Variants in CFAP47 observed in about 807,000 individuals in gnomAD.
CFAP47 encodes cilia and flagella associated protein 47, also known as cilia- and flagella-associated protein 47.
CFAP47 carries 29 observed loss-of-function variants against 148.1 expected under a neutral mutation model. The ratio of observed to expected loss-of-function variants is 0.20; its 90% CI spans 0.15 to 0.27. CFAP47 has a LOEUF of 0.27. Ranked by LOEUF, CFAP47 falls within the 10% of genes least tolerant of loss-of-function variation. CFAP47 has a pLI of 1.00. For synonymous variants in CFAP47, 664 were observed against 577.3 expected, an observed-to-expected ratio of 1.15 and a Z score of -2.15; for missense variants, 1,872 against 1,697.5, an observed-to-expected ratio of 1.10 and a Z score of -1.81.
At chrX:36,317,162 T>A (rs1312731810) in intron 56 of CFAP47, among the ~76,000 whole-genome samples, 3 of 111,003 alleles carry the variant, frequency 2.7e-5, no homozygotes, top group African/African-American at 9.8e-5. Context: ...CTAAAGTACA[T>A]CCAGAGTTGA....
At chrX:36,030,601 T>C (rs753124100) in intron 22 of CFAP47, among the ~76,000 whole-genome samples, 1 of 110,953 alleles carries the variant, frequency 9.0e-6, no homozygotes, top group East Asian at 2.8e-4. Flanking sequence ...GTAAGATACA[T>C]ACATTTTTAG....
rs189550630 is a variant in CFAP47, at chrX:36,213,848, C to T, written c.6817+8738C>T. Among the ~76,000 whole-genome samples, 622 of 111,823 alleles carry T rather than the reference C, an allele frequency of 5.6e-3. 1 individual carries two copies. The highest frequency in any genetic ancestry group is 0.018 in the African/African-American group (554 of 30,774). Reference sequence around the variant, plus strand: ...TAAAACCTTAAGCAATAATTAAATACGAATACTTTATTTGGGAGATGCGAA... The same window carrying T: ...TAAAACCTTAAGCAATAATTAAATATGAATACTTTATTTGGGAGATGCGAA... On this transcript the variant is annotated intron_variant, in intron 45 of 63. Coordinates refer to ENST00000378653, the MANE Select transcript of CFAP47 (RefSeq NM_001304548.2).
intron 49 of CFAP47, among the ~76,000 whole-genome samples, chrX:36,262,062 T>C (rs782620471): frequency 8.9e-6 from 1 of 112,164 alleles, no homozygotes; most frequent in Non-Finnish European, 1.9e-5. Context: ...TGGCTTTGCG[T>C]TTCTTTTAAA....
At chrX:35,942,050 G>GTC (rs1491080795) in intron 3 of CFAP47, among the ~76,000 whole-genome samples, 4 of 107,107 alleles carry the variant, frequency 3.7e-5, no homozygotes, top group African/African-American at 1.1e-4. Context: ...GTGTGTGTGT[G>GTC]TCTGTGTGTG....
chrX:36,085,130 C>G (rs981858354), intron 29 of CFAP47, among the ~76,000 whole-genome samples, 184 bp from the exon 30 acceptor site: 1 of 111,400 alleles, frequency 9.0e-6, no homozygotes, highest in East Asian at 2.8e-4. Flanking sequence ...TACTGGAAAT[C>G]TATGATAATA....
intron 21 of CFAP47, among the ~76,000 whole-genome samples, chrX:36,008,131 GATTCA>G (rs755929050): frequency 8.1e-4 from 90 of 111,139 alleles, no homozygotes; most frequent in African/African-American, 2.7e-3. Flanking sequence ...AGTAACTGTC[GATTCA>G]ATTCATCATG....
intron 37 of CFAP47, among the ~76,000 whole-genome samples, chrX:36,155,574 G>C (rs1048804932): frequency 1.8e-4 from 20 of 111,379 alleles, no homozygotes; most frequent in Non-Finnish European, 3.0e-4. Context: ...CTTAGGAAAA[G>C]AAATGATGAA....
chrX:35,989,319 G>T lies in CFAP47; in HGVS notation c.2714G>T (p.Gly905Val). The change falls in exon 16 of 64, where the codon GGC becomes GTC. Residue 905 changes from glycine (G) to valine (V), a missense_variant and splice_region_variant. Transcript: ENST00000378653. ...TATTTTCTCTCTACATTTTCCGTAG[G>T]CACTGTTGAAGCATATTCCTCACTG... is the stretch of plus-strand genomic sequence containing the variant. ...GIAFSICPAKGTVEAYSSLEC... is the reference protein window; with the variant it reads ...GIAFSICPAKVTVEAYSSLEC... The T allele has an allele frequency of 8.4e-7, 1 of 1,185,747 alleles. No individual in the cohort carries two copies. The highest frequency in any genetic ancestry group is 1.1e-6 in the Non-Finnish European group (1 of 873,110).
At chrX:36,350,447 G>C (rs1941734405) in intron 59 of CFAP47, among the ~76,000 whole-genome samples, 1 of 110,930 alleles carries the variant, frequency 9.0e-6, no homozygotes, top group Non-Finnish European at 1.9e-5. Context: ...CTTGCTCTCA[G>C]GTCACTTTTA....
chrX:36,351,981 A>G (rs1941746374), intron 59 of CFAP47, among the ~76,000 whole-genome samples: 1 of 111,302 alleles, frequency 9.0e-6, no homozygotes, highest in Non-Finnish European at 1.9e-5. Context: ...TTTTTTATGT[A>G]TCTGTCACTC....
At chrX:35,937,690 G>T (rs1364491778) in intron 2 of CFAP47, among the ~76,000 whole-genome samples, 1 of 110,703 alleles carries the variant, frequency 9.0e-6, no homozygotes, top group East Asian at 2.8e-4. Flanking sequence ...TATACTCAGT[G>T]AATGTTTTGT....
At chrX:36,253,149 T>A (rs1288044016) in intron 49 of CFAP47, among the ~76,000 whole-genome samples, 1 of 112,137 alleles carries the variant, frequency 8.9e-6, no homozygotes, top group Admixed American at 9.5e-5. Context: ...TTGAAAAAAT[T>A]TGGAACATAT....
At chrX:36,325,665 C>G (rs1941512241) in intron 57 of CFAP47, among the ~76,000 whole-genome samples, 1 of 110,685 alleles carries the variant, frequency 9.0e-6, no homozygotes, top group Admixed American at 9.6e-5. Context: ...ATGGCTAGCA[C>G]TGAAGCTAGG....
chrX:36,248,049 CA>C (rs1416690473), intron 48 of CFAP47, among the ~76,000 whole-genome samples: 1 of 108,864 alleles, frequency 9.2e-6, no homozygotes, highest in Non-Finnish European at 1.9e-5. Flanking sequence ...TATGAAGAGA[CA>C]TTTTATAAAG....
intron 1 of CFAP47, among the ~76,000 whole-genome samples, chrX:35,924,352 T>G (rs140653059): frequency 9.4e-6 from 1 of 106,565 alleles, no homozygotes; most frequent in African/African-American, 3.6e-5. Context: ...TGTGTGCATA[T>G]GTGTATATAT....
At chrX:35,986,511 C>G (rs765379903) in intron 15 of CFAP47, among the ~76,000 whole-genome samples, 1 of 109,245 alleles carries the variant, frequency 9.2e-6, no homozygotes, top group African/African-American at 3.3e-5. Context: ...TTCCTCTAAC[C>G]TTTTATCAAG....
intron 62 of CFAP47, among the ~76,000 whole-genome samples, chrX:36,371,743 T>C (rs1244637692): frequency 8.3e-5 from 5 of 60,347 alleles, no homozygotes; most frequent in Admixed American, 1.6e-4. Flanking sequence ...TGTATATATG[T>C]GTGTATATAC....
chrX:36,378,952 C>T (rs1942050652), intron 62 of CFAP47, among the ~76,000 whole-genome samples: 1 of 110,177 alleles, frequency 9.1e-6, no homozygotes, highest in African/African-American at 3.3e-5. Context: ...GCTGGGATTA[C>T]AGGCGCACAT....
At chrX:36,063,403 C>T (rs1032376385) in intron 26 of CFAP47, among the ~76,000 whole-genome samples, 3 of 110,768 alleles carry the variant, frequency 2.7e-5, no homozygotes, top group Non-Finnish European at 3.8e-5. Flanking sequence ...GTGAAGTGTC[C>T]ATAGTCCCAT....
Sources: allele counts gnomAD v4.1 joint callset (sites outside exome capture counted in the v4.1 genomes callset), GRCh38; gene constraint gnomAD v4.1.1; transcripts MANE v1.5; gene names NCBI Gene and HGNC (gene_info 2026-07-23, HGNC 2026-07-21).